Variants in FARP1 observed in about 807,000 individuals in gnomAD.
FARP1 encodes FERM, ARHGEF and pleckstrin domain-containing protein 1.
Under a neutral mutation model 128.8 loss-of-function variants are expected in FARP1, and 52 were observed. That is an observed-to-expected ratio of 0.40 (90% confidence interval 0.32 to 0.51). FARP1 has a LOEUF of 0.51. FARP1 is among the 20% of genes least tolerant of loss of function. The pLI is 0.45. For synonymous variants in FARP1, 580 were observed against 551.8 expected, an observed-to-expected ratio of 1.05 and a Z score of -0.72; for missense variants, 1,333 against 1,367.9, an observed-to-expected ratio of 0.97 and a Z score of 0.40.
chr13:98,431,847 T>C (rs4772078), intron 18 of FARP1: 86,252 of 151,562 alleles, frequency 0.57, 24,687 homozygotes, highest in African/African-American at 0.59. Flanking sequence ...CTCCTTTGGT[T>C]CCTGGGTGGT....
chr13:98,453,939 T>TA lies in FARP1; in HGVS notation c.*5623dup, dbSNP rs1893325073. On this transcript the variant is annotated 3_prime_UTR_variant, in exon 27 of 27. Coordinates refer to ENST00000319562, the MANE Select transcript of FARP1 (RefSeq NM_005766.4). ...GATCTGGGAATATCCGCATTATACTTACCAGTGTGCAGCCCCAAATCCGAA... is the reference window on the plus strand; with the variant it reads ...GATCTGGGAATATCCGCATTATACTTAACCAGTGTGCAGCCCCAAATCCGAA... 1 of 152,200 alleles carries TA rather than the reference T, an allele frequency of 6.6e-6. No individual in the cohort carries two copies. Among genetic ancestry groups the TA allele is most frequent in the South Asian group, 2.1e-4 (1 of 4,826 alleles). 9.4% of individuals were successfully genotyped at this position (152,200 alleles called of 1,614,324 possible).
At chr13:98,443,640 TA>T (rs1461575261) in intron 24 of FARP1, among the ~76,000 whole-genome samples, 1 of 152,158 alleles carries the variant, frequency 6.6e-6, no homozygotes, top group African/African-American at 2.4e-5. Flanking sequence ...TGGCCTCTGC[TA>T]AAAGTTGTGG....
chr13:98,340,245 C>T (rs1594421314), intron 2 of FARP1, among the ~76,000 whole-genome samples: 1 of 152,122 alleles, frequency 6.6e-6, no homozygotes, highest in African/African-American at 2.4e-5. Flanking sequence ...TTATTTTCAT[C>T]ACAGATAGGA....
chr13:98,332,184 A>G (rs558363865), intron 2 of FARP1, among the ~76,000 whole-genome samples: 1 of 151,998 alleles, frequency 6.6e-6, no homozygotes. Context: ...GAACTTTTTC[A>G]TCTTCCCAAA....
At chr13:98,409,272 G>T in intron 13 of FARP1, 66 bp from the exon 14 acceptor site, 2 of 1,273,480 alleles carry the variant, frequency 1.6e-6, no homozygotes, top group South Asian at 1.5e-5. Context: ...TGAAAGTAGT[G>T]AATAGAAATC....
At chr13:98,447,030 G>C (rs80285975) in intron 26 of FARP1, 2 of 539,898 alleles carry the variant, frequency 3.7e-6, no homozygotes, top group Non-Finnish European at 6.6e-6. Context: ...TACCCTGCAC[G>C]GTGTTGGCTG....
intron 2 of FARP1, among the ~76,000 whole-genome samples, chr13:98,322,511 C>T (rs1887039928): frequency 6.6e-6 from 1 of 152,186 alleles, no homozygotes; most frequent in African/African-American, 2.4e-5. Flanking sequence ...CTTGCAAGAG[C>T]CACCATGCTG....
chr13:98,318,015 A>T (rs1313016987), intron 2 of FARP1, among the ~76,000 whole-genome samples: 9 of 102,720 alleles, frequency 8.8e-5, no homozygotes, highest in East Asian at 2.7e-4. Flanking sequence ...CTCCCTCTTC[A>T]TCTCCTTCTT....
intron 2 of FARP1, among the ~76,000 whole-genome samples, chr13:98,327,327 A>G (rs1224413377): frequency 3.3e-5 from 5 of 152,116 alleles, no homozygotes; most frequent in African/African-American, 9.7e-5. Context: ...ATCGAAACCC[A>G]TGTTTCTTAG....
At chr13:98,423,551 T>G (rs961025346) in intron 16 of FARP1, among the ~76,000 whole-genome samples, 20 of 152,314 alleles carry the variant, frequency 1.3e-4, no homozygotes, top group Middle Eastern at 3.4e-3. Context: ...GGAAATTCCT[T>G]TCTCAGTGAT....
chr13:98,196,498 A>G (rs1223552241), intron 1 of FARP1, among the ~76,000 whole-genome samples: 1 of 145,054 alleles, frequency 6.9e-6, no homozygotes, highest in African/African-American at 2.5e-5. Flanking sequence ...TGCCATGGAG[A>G]AAGTGCTACA....
chr13:98,440,851 G>C lies in FARP1; in HGVS notation c.2796+15G>C. ...TCGCAGTGGAGGTACGCAGGGGCAG[G>C]GCAGCTCTGGTTCCCAGCTTGTGCT... On this transcript the variant is annotated intron_variant, in intron 24 of 26. Coordinates refer to ENST00000319562, the MANE Select transcript of FARP1 (RefSeq NM_005766.4). 1.3e-6 allele frequency: 2 copies of C among 1,580,780 alleles called. No individual in the cohort carries two copies. The highest frequency in any genetic ancestry group is 1.7e-6 in the Non-Finnish European group (2 of 1,165,602).
intron 2 of FARP1, among the ~76,000 whole-genome samples, chr13:98,221,358 A>C (rs895106704): frequency 2.6e-5 from 4 of 152,212 alleles, no homozygotes; most frequent in Non-Finnish European, 5.9e-5. Flanking sequence ...ATAAAAAATC[A>C]TGTGCTTCTG....
intron 3 of FARP1, among the ~76,000 whole-genome samples, chr13:98,361,961 C>T (rs550694313): frequency 2.4e-4 from 37 of 152,182 alleles, no homozygotes; most frequent in Non-Finnish European, 4.6e-4. Context: ...GCAGGTCATT[C>T]CAGTTAAAAA....
chr13:98,444,662 C>T (rs192355099), intron 24 of FARP1, among the ~76,000 whole-genome samples: 133 of 152,292 alleles, frequency 8.7e-4, no homozygotes, highest in Non-Finnish European at 1.2e-3. Flanking sequence ...AAGAGGTTTC[C>T]AGAGGCTATT....
intron 2 of FARP1, among the ~76,000 whole-genome samples, chr13:98,271,332 C>G (rs1214361943): frequency 6.6e-6 from 1 of 152,304 alleles, no homozygotes; most frequent in African/African-American, 2.4e-5. Context: ...TTGCTAAATG[C>G]TCCTCTTAAC....
chr13:98,235,301 C>T (rs77425833), intron 2 of FARP1, among the ~76,000 whole-genome samples: 1,929 of 152,178 alleles, frequency 0.013, 39 homozygotes, highest in African/African-American at 0.043. Context: ...CCCAGGGAAT[C>T]GAGGGTAATA....
At chr13:98,212,141 C>T (rs1230546801) in intron 1 of FARP1, among the ~76,000 whole-genome samples, 2 of 152,210 alleles carry the variant, frequency 1.3e-5, no homozygotes, top group Non-Finnish European at 2.9e-5. Flanking sequence ...CTGCAACCTC[C>T]ACCTCCTGGC....
intron 1 of FARP1, 101 bp from the exon 2 acceptor site, chr13:98,213,119 G>A (rs1880831792): frequency 1.2e-6 from 1 of 860,674 alleles, no homozygotes. Flanking sequence ...CTGTGCAGGG[G>A]ATGGAGCCCC....
Sources: allele counts gnomAD v4.1 joint callset (sites outside exome capture counted in the v4.1 genomes callset), GRCh38; gene constraint gnomAD v4.1.1; transcripts MANE v1.5; gene names NCBI Gene and HGNC (gene_info 2026-07-23, HGNC 2026-07-21).